The following METTL15 variants were observed in gnomAD, a reference collection of about 807,000 sequenced individuals.
METTL15 encodes the protein 12S rRNA N(4)-cytidine methyltransferase METTL15.
A neutral mutation model predicts 38.3 loss-of-function variants in METTL15; 34 were observed. The observed-to-expected ratio is 0.89, with a 90% CI of 0.68 to 1.18. The LOEUF is 1.18. Among genes scored for constraint, METTL15 ranks in the 50% most tolerant of loss-of-function variants. The pLI, the probability that METTL15 is intolerant of heterozygous loss-of-function variation, is 0.00. For missense variants in METTL15, 438 were observed against 498.4 expected (o/e 0.88, Z 1.15); for synonymous variants, 162 against 170.9 (o/e 0.95, Z 0.41).
At chr11:28,164,648 A>G (rs1431671864) in intron 3 of METTL15, among the ~76,000 whole-genome samples, 1 of 152,064 alleles carries the variant, frequency 6.6e-6, no homozygotes, top group Admixed American at 6.6e-5. Flanking sequence ...TTAACATGTC[A>G]CTTATTTTTT....
intron 3 of METTL15, among the ~76,000 whole-genome samples, chr11:28,349,274 A>ATCT (rs10648425): frequency 1 from 151,700 of 152,278 alleles, 75,568 homozygotes; most frequent in Non-Finnish European, 1. Flanking sequence ...GGTGTGGCCA[A>ATCT]TCTGATAGTG....
chr11:28,219,960 T>C (rs1000013594), intron 4 of METTL15, among the ~76,000 whole-genome samples: 2 of 152,240 alleles, frequency 1.3e-5, no homozygotes, highest in Non-Finnish European at 2.9e-5. Context: ...TAACATTTGC[T>C]GATGAGTGCT....
chr11:28,214,508 G>A (rs1435595231), intron 4 of METTL15, among the ~76,000 whole-genome samples: 3 of 152,082 alleles, frequency 2.0e-5, no homozygotes, highest in South Asian at 2.1e-4. Context: ...GAGATGTTCC[G>A]TGTCAGGTAG....
intron 4 of METTL15, among the ~76,000 whole-genome samples, chr11:28,240,026 A>G (rs1256356336): frequency 6.6e-6 from 1 of 152,172 alleles, no homozygotes; most frequent in Non-Finnish European, 1.5e-5. Flanking sequence ...TAGGGTATCA[A>G]TAAATATTTG....
Position 28,330,554 on chromosome 11 carries a change from G to C in METTL15, c.937G>C (p.Gly313Arg), listed in dbSNP as rs377363969. 168 of 1,551,540 alleles carry C rather than the reference G, an allele frequency of 1.1e-4. No homozygotes were observed. Among genetic ancestry groups the C allele is most frequent in the Non-Finnish European group, 1.4e-4 (155 of 1,146,966 alleles). The change falls in exon 7 of 7, where the codon GGT becomes CGT. Residue 313 changes from glycine to arginine, a missense_variant. Coordinates refer to ENST00000407364, the MANE Select transcript of METTL15 (RefSeq NM_001113528.2). ...GACAGCTCAGAAGTTTCTGAGACCTGGTGGTCGTCTTGTTGCCCTCTCCTT... is the reference window on the plus strand; with the variant it reads ...GACAGCTCAGAAGTTTCTGAGACCTCGTGGTCGTCTTGTTGCCCTCTCCTT... ...LKTAQKFLRP[G>R]GRLVALSFHS...
chr11:28,221,867 A>C (rs1302092725), intron 4 of METTL15, among the ~76,000 whole-genome samples: 2 of 152,134 alleles, frequency 1.3e-5, no homozygotes, highest in Non-Finnish European at 2.9e-5. Context: ...GTAGAACAGC[A>C]AATATTGGTG....
At chr11:28,250,995 A>C (rs568530017) in intron 4 of METTL15, among the ~76,000 whole-genome samples, 2 of 152,090 alleles carry the variant, frequency 1.3e-5, no homozygotes, top group Admixed American at 1.3e-4. Flanking sequence ...AATCAACACT[A>C]TCAGATCTGG....
intron 6 of METTL15, among the ~76,000 whole-genome samples, chr11:28,456,915 G>A (rs1232824124): frequency 6.6e-6 from 1 of 152,202 alleles, no homozygotes; most frequent in Non-Finnish European, 1.5e-5. Context: ...TCTAAGCCAT[G>A]TGATTCTTCC....
At chr11:28,285,031 A>G (rs1006159236) in intron 4 of METTL15, among the ~76,000 whole-genome samples, 1 of 152,080 alleles carries the variant, frequency 6.6e-6, no homozygotes, top group African/African-American at 2.4e-5. Context: ...AGCTCTCACA[A>G]GATCTGATGG....
intron 4 of METTL15, among the ~76,000 whole-genome samples, chr11:28,220,149 T>C (rs1853126107): frequency 1.3e-5 from 2 of 152,194 alleles, no homozygotes; most frequent in Admixed American, 6.5e-5. Context: ...CTGTCTAATG[T>C]TGACAGTGGG....
At chr11:28,324,802 C>T (rs978518428) in intron 6 of METTL15, among the ~76,000 whole-genome samples, 20 of 152,090 alleles carry the variant, frequency 1.3e-4, no homozygotes, top group Non-Finnish European at 2.4e-4. Context: ...AATGCCATGC[C>T]GAGGTCTGAA....
At chr11:28,265,097 TAA>T (rs367820363) in intron 4 of METTL15, among the ~76,000 whole-genome samples, 16 of 152,202 alleles carry the variant, frequency 1.1e-4, no homozygotes, top group East Asian at 9.7e-4. Context: ...TGTGGTGTGA[TAA>T]GAGTGTGTAA....
intron 5 of METTL15, among the ~76,000 whole-genome samples, chr11:28,397,228 A>G (rs1045420163): frequency 1.3e-5 from 2 of 152,140 alleles, no homozygotes; most frequent in Non-Finnish European, 2.9e-5. Flanking sequence ...AACAAAAGCC[A>G]AAATTGACAA....
intron 3 of METTL15, among the ~76,000 whole-genome samples, chr11:28,146,853 A>G (rs1457381023): frequency 6.6e-6 from 1 of 151,978 alleles, no homozygotes; most frequent in Non-Finnish European, 1.5e-5. Flanking sequence ...TAATAAATTC[A>G]TTAAAAATGA....
intron 6 of METTL15, among the ~76,000 whole-genome samples, chr11:28,319,817 T>G (rs2134043764): frequency 6.6e-6 from 1 of 152,304 alleles, no homozygotes; most frequent in Non-Finnish European, 1.5e-5. Context: ...ACCATGTTAA[T>G]GGGCATTGTG....
intron 6 of METTL15, among the ~76,000 whole-genome samples, chr11:28,321,680 C>G (rs1039159816): frequency 1.3e-5 from 2 of 151,638 alleles, no homozygotes; most frequent in African/African-American, 4.8e-5. Flanking sequence ...TAATTTGGAG[C>G]AATTAATACA....
rs576464957 is a variant in METTL15 at position 28,281,044 on chromosome 11, A to G, written c.408-9162A>G. 1.1e-4 allele frequency among the ~76,000 whole-genome samples: 17 copies of G among 152,060 alleles called. No homozygotes were observed. The South Asian group carries it at 3.3e-3, about 30-fold the overall frequency. ...GTTCTTATCCTTGTGTCTGTCTAGTAATTTTTATTTTATTTCACACATTGT... is the reference window on the plus strand; with the variant it reads ...GTTCTTATCCTTGTGTCTGTCTAGTGATTTTTATTTTATTTCACACATTGT... On this transcript the variant is annotated intron_variant, in intron 4 of 6. Transcript: ENST00000407364.
intron 5 of METTL15, chr11:28,398,737 G>A (rs1850599881): frequency 6.6e-6 from 1 of 152,010 alleles, no homozygotes; most frequent in Non-Finnish European, 1.5e-5. Flanking sequence ...TAGTCATGAA[G>A]TCTTTGCCCA....
intron 5 of METTL15, among the ~76,000 whole-genome samples, chr11:28,373,441 G>A (rs866549361): frequency 7.9e-5 from 12 of 152,032 alleles, no homozygotes; most frequent in Middle Eastern, 3.4e-3. Flanking sequence ...GTCTGTTCAT[G>A]TCCTTCGCCC....
Sources: gnomAD v4.1 joint callset for allele counts (sites outside exome capture counted in the v4.1 genomes callset) on GRCh38, gnomAD v4.1.1 for gene constraint, MANE v1.5 for transcripts, NCBI Gene and HGNC (gene_info 2026-07-23, HGNC 2026-07-21) for gene names.